The following ATF6 variants were observed in gnomAD, a reference collection of about 807,000 sequenced individuals.
The protein encoded by ATF6 is activating transcription factor 6.
ATF6 carries 53 observed loss-of-function variants against 83.6 expected under a neutral mutation model. The observed-to-expected ratio is 0.63, with a 90% CI of 0.51 to 0.80. ATF6 has a LOEUF of 0.80. ATF6 is among the 30% of genes least tolerant of loss of function. The pLI is 0.00. For missense variants in ATF6, 744 were observed against 797.9 expected (o/e 0.93, Z 0.81); for synonymous variants, 288 against 285.8 (o/e 1.01, Z -0.08).
At chr1:161,832,472 G>T (rs1219664299) in intron 9 of ATF6, among the ~76,000 whole-genome samples, 1 of 152,184 alleles carries the variant, frequency 6.6e-6, no homozygotes, top group African/African-American at 2.4e-5. Context: ...CCTCACCCAG[G>T]AAGTGCAAGG....
At position 161,912,321 on chromosome 1, in the gene ATF6, C is replaced by G. The variant is rs1399339085; in HGVS notation, c.1745C>G (p.Thr582Ser). The G allele has an allele frequency of 6.2e-7, 1 of 1,607,856 alleles. No individual in the cohort carries two copies. The highest frequency in any genetic ancestry group is 8.5e-7 in the Non-Finnish European group (1 of 1,177,294). The change falls in exon 15 of 16, where the codon ACC (threonine) becomes AGC (serine). Residue 582 changes from threonine (T) to serine (S), a missense_variant. Transcript: ENST00000367942. ...RRDHLLLPAT[T>S]HNKTTRPKMS... ...GATCACCTGCTGTTACCAGCTACCA[C>G]CCATAACAAGACCACAAGACCAAAA...
chr1:161,789,806 G>A (rs1020218023), intron 4 of ATF6, among the ~76,000 whole-genome samples: 2 of 152,116 alleles, frequency 1.3e-5, no homozygotes, highest in African/African-American at 4.8e-5. Flanking sequence ...AAGCATCAAA[G>A]GCCGTGAAGA....
At chr1:161,916,648 C>A (rs113970009) in intron 15 of ATF6, among the ~76,000 whole-genome samples, 29 of 152,176 alleles carry the variant, frequency 1.9e-4, no homozygotes, top group Non-Finnish European at 1.5e-5. Flanking sequence ...ATACATTACA[C>A]CCACTCATCA....
At chr1:161,809,193 C>A (rs1413323602) in intron 7 of ATF6, among the ~76,000 whole-genome samples, 1 of 151,616 alleles carries the variant, frequency 6.6e-6, no homozygotes, top group East Asian at 1.9e-4. Flanking sequence ...ATCCCTCCCA[C>A]CTCCCCCAAC....
intron 15 of ATF6, among the ~76,000 whole-genome samples, chr1:161,955,295 G>A (rs377365643): frequency 9.2e-5 from 14 of 152,248 alleles, no homozygotes; most frequent in African/African-American, 3.4e-4. Context: ...CGATCTGATA[G>A]TTTTTATTCA....
rs747423273 is a variant in ATF6, at chr1:161,792,149, A to G, written c.510A>G (p.Lys170=). Residue 170 remains lysine, a synonymous_variant, in exon 6 of 16, where the codon AAA becomes AAG. Transcript: ENST00000367942. ...KTENGLTPKK[K]IQVNSKPSIQ... ...AAAATGGACTGACTCCAAAGAAAAA[A>G]ATTCAGGTGAATTCAAAACCTTCAA... 38 of 1,613,990 alleles carry G rather than the reference A, an allele frequency of 2.4e-5. No homozygotes were observed. Among genetic ancestry groups the G allele is most frequent in the Non-Finnish European group, 3.1e-5 (36 of 1,180,004 alleles).
intron 6 of ATF6, among the ~76,000 whole-genome samples, chr1:161,799,401 G>A (rs1222506002): frequency 6.6e-6 from 1 of 152,128 alleles, no homozygotes; most frequent in Non-Finnish European, 1.5e-5. Context: ...GACATAAAAA[G>A]GGGACAATAG....
intron 9 of ATF6, among the ~76,000 whole-genome samples, chr1:161,846,178 G>C (rs1050258498): frequency 6.6e-6 from 1 of 152,074 alleles, no homozygotes; most frequent in African/African-American, 2.4e-5. Context: ...TAATTATCAA[G>C]TTTTTAAAAC....
intron 4 of ATF6, among the ~76,000 whole-genome samples, chr1:161,785,421 A>G (rs1684721594): frequency 1.3e-5 from 2 of 152,212 alleles, no homozygotes; most frequent in South Asian, 4.1e-4. Flanking sequence ...TACAAAAGGT[A>G]GCATACTGTA....
intron 15 of ATF6, among the ~76,000 whole-genome samples, chr1:161,927,252 C>A (rs1234715049): frequency 2.0e-5 from 3 of 152,114 alleles, no homozygotes; most frequent in Admixed American, 2.0e-4. Context: ...AGATCTCAGA[C>A]CTTTAGGTCT....
chr1:161,844,258 G>A (rs1686425961), intron 9 of ATF6, among the ~76,000 whole-genome samples: 1 of 152,046 alleles, frequency 6.6e-6, no homozygotes, highest in Non-Finnish European at 1.5e-5. Context: ...TATGCTAAAG[G>A]AACTTCAGAC....
intron 14 of ATF6, among the ~76,000 whole-genome samples, chr1:161,871,290 G>C (rs116794903): frequency 6.6e-6 from 1 of 151,468 alleles, no homozygotes; most frequent in Non-Finnish European, 1.5e-5. Flanking sequence ...TTTTGCTGTG[G>C]AATAGAATAA....
chr1:161,837,788 G>A (rs903996045), intron 9 of ATF6, among the ~76,000 whole-genome samples: 12 of 152,044 alleles, frequency 7.9e-5, no homozygotes, highest in African/African-American at 2.2e-4. Context: ...TTTTTTCTGC[G>A]TGTTGTATTA....
chr1:161,851,910 G>T lies in ATF6; in HGVS notation c.1433+75G>T, dbSNP rs531121427. On this transcript the variant is annotated intron_variant, in intron 11 of 15. Transcript: ENST00000367942. ...AGTTTTGGAACCTAGACAAGTAATTGGTCAAGTTCACTAAGTGACTGAGAG... is the reference window on the plus strand; with the variant it reads ...AGTTTTGGAACCTAGACAAGTAATTTGTCAAGTTCACTAAGTGACTGAGAG... 1.7e-4 allele frequency: 181 copies of T among 1,036,622 alleles called. No homozygotes were observed. The African/African-American group carries it at 2.2e-3, about 13-fold the overall frequency. The allele number at this position is 1,036,622 out of a possible 1,614,324, so 64.2% of individuals were successfully genotyped here. A position where few individuals can be genotyped will look rare whatever the true frequency, so the allele number is the denominator to read the frequency against.
At chr1:161,819,574 G>GA in intron 7 of ATF6, 59 bp from the exon 8 acceptor site, 1 of 1,321,502 alleles carries the variant, frequency 7.6e-7, no homozygotes, top group Non-Finnish European at 1.0e-6. Flanking sequence ...AGTATATTCT[G>GA]ATCTATTTTG....
chr1:161,835,861 A>G (rs1039412589), intron 9 of ATF6, among the ~76,000 whole-genome samples: 5 of 152,224 alleles, frequency 3.3e-5, no homozygotes, highest in Non-Finnish European at 5.9e-5. Context: ...TGCAAATCAT[A>G]AATGAACATA....
At position 161,784,237 on chromosome 1, in the gene ATF6, A is replaced by G. The variant is rs191180615; in HGVS notation, c.354+141A>G. On this transcript the variant is annotated intron_variant, in intron 4 of 15. Coordinates refer to ENST00000367942, the MANE Select transcript of ATF6 (RefSeq NM_007348.4). ...TATTGAGGGAACTGAGACTCAAGAA[A>G]GAGCCTTGTGGGAGCTAGAAAGTTG... 3.6e-5 allele frequency: 23 copies of G among 631,404 alleles called. No homozygotes were observed. The Middle Eastern group carries it at 1.6e-3, about 43-fold the overall frequency. 39.1% of individuals were successfully genotyped at this position (631,404 alleles called of 1,614,324 possible).
rs1267152340 is a variant in ATF6, at chr1:161,863,633, A to G, written c.1719+321A>G. On this transcript the variant is annotated intron_variant, in intron 14 of 15. Coordinates refer to ENST00000367942, the MANE Select transcript of ATF6 (RefSeq NM_007348.4). ...AAAAGTAAAAACATAAAAATATTCTATTTAGGCTTTTCCTATTTAGGCTTT... is the reference window on the plus strand; with the variant it reads ...AAAAGTAAAAACATAAAAATATTCTGTTTAGGCTTTTCCTATTTAGGCTTT... 6.6e-5 allele frequency among the ~76,000 whole-genome samples: 10 copies of G among 152,286 alleles called. No homozygotes were observed. The East Asian group carries it at 1.9e-3, about 29-fold the overall frequency.
intron 7 of ATF6, among the ~76,000 whole-genome samples, chr1:161,810,397 A>T (rs1685426893): frequency 6.6e-6 from 1 of 152,178 alleles, no homozygotes; most frequent in African/African-American, 2.4e-5. Flanking sequence ...TATCATGAGA[A>T]CAGCAAGGTG....
Sources: allele counts gnomAD v4.1 joint callset (sites outside exome capture counted in the v4.1 genomes callset), GRCh38; gene constraint gnomAD v4.1.1; transcripts MANE v1.5; gene names NCBI Gene and HGNC (gene_info 2026-07-23, HGNC 2026-07-21).